Variants in CADPS observed in about 807,000 individuals in gnomAD.
CADPS encodes calcium dependent secretion activator.
CADPS carries 57 observed loss-of-function variants against 167.3 expected under a neutral mutation model. That is an observed-to-expected ratio of 0.34 (90% CI 0.28 to 0.42). The LOEUF is 0.42. CADPS is among the 20% of genes least tolerant of loss of function. The probability of loss-of-function intolerance (pLI) is 1.00; values close to 1 mark genes in which losing one functional copy is unlikely to be tolerated. For synonymous variants in CADPS, 676 were observed against 635.3 expected (o/e 1.06, Z -0.96); for missense variants, 1,414 against 1,738.1 (o/e 0.81, Z 3.32).
At chr3:62,586,343 G>A (rs1449614849) in intron 7 of CADPS, among the ~76,000 whole-genome samples, 7 of 152,132 alleles carry the variant, frequency 4.6e-5, no homozygotes, top group African/African-American at 1.7e-4. Context: ...TCTGGAGGTG[G>A]CCGTGAGGGG....
At chr3:62,851,540 G>C (rs1205067986) in intron 1 of CADPS, among the ~76,000 whole-genome samples, 1 of 146,470 alleles carries the variant, frequency 6.8e-6, no homozygotes, top group Non-Finnish European at 1.5e-5. Context: ...ATGAAGCTTA[G>C]TTTGGCTGGA....
At chr3:62,694,036 C>G (rs2079760804) in intron 3 of CADPS, among the ~76,000 whole-genome samples, 1 of 152,016 alleles carries the variant, frequency 6.6e-6, no homozygotes, top group Non-Finnish European at 1.5e-5. Context: ...TATCTGGTCA[C>G]CCCAGTGCTC....
At chr3:62,718,802 C>A (rs181719240) in intron 3 of CADPS, among the ~76,000 whole-genome samples, 2 of 152,164 alleles carry the variant, frequency 1.3e-5, no homozygotes, top group Admixed American at 6.5e-5. Flanking sequence ...CACTGCTGTG[C>A]GTGGATATCA....
chr3:62,451,746 C>T (rs1215388083), intron 26 of CADPS, among the ~76,000 whole-genome samples: 3 of 152,166 alleles, frequency 2.0e-5, no homozygotes, highest in Non-Finnish European at 4.4e-5. Context: ...CACACCACCA[C>T]GTCAAAGGGC....
intron 17 of CADPS, among the ~76,000 whole-genome samples, chr3:62,510,191 CATCTATCTATCT>C (rs57153814): frequency 1.3e-5 from 2 of 148,266 alleles, no homozygotes; most frequent in African/African-American, 2.5e-5. Context: ...CCTATTTCTG[CATCTATCTATCT>C]ATCTATCTAT....
chr3:62,628,848 A>T (rs1282338315), intron 6 of CADPS, among the ~76,000 whole-genome samples: 1 of 151,670 alleles, frequency 6.6e-6, no homozygotes, highest in Non-Finnish European at 1.5e-5. Context: ...TATTGTCTTG[A>T]TCTCTTGACC....
intron 3 of CADPS, among the ~76,000 whole-genome samples, chr3:62,668,206 T>C (rs1402505117): frequency 6.6e-6 from 1 of 152,232 alleles, no homozygotes; most frequent in East Asian, 1.9e-4. Context: ...TGAATAATTG[T>C]TCTGCTTTCT....
chr3:62,480,237 A>T (rs2061825318), intron 22 of CADPS, among the ~76,000 whole-genome samples: 1 of 152,248 alleles, frequency 6.6e-6, no homozygotes. Flanking sequence ...GGAGACCATT[A>T]TCTGCTTTAT....
At chr3:62,828,417 G>T (rs1038728214) in intron 1 of CADPS, among the ~76,000 whole-genome samples, 11 of 152,110 alleles carry the variant, frequency 7.2e-5, no homozygotes, top group African/African-American at 2.4e-4. Context: ...GGGCAAAAAC[G>T]TGGAACTACT....
chr3:62,835,491 G>A (rs2075767247), intron 1 of CADPS, among the ~76,000 whole-genome samples: 1 of 152,080 alleles, frequency 6.6e-6, no homozygotes, highest in Non-Finnish European at 1.5e-5. Context: ...CCTGTGATTG[G>A]GTGTGCTTAG....
At chr3:62,715,751 A>ATTTTT (rs375673684) in intron 3 of CADPS, among the ~76,000 whole-genome samples, 48 of 86,300 alleles carry the variant, frequency 5.6e-4, no homozygotes, top group East Asian at 1.1e-3. Context: ...ATGATTATAA[A>ATTTTT]TCTTTTTTTT....
At chr3:62,662,464 T>C in intron 3 of CADPS, 70 bp from the exon 4 acceptor site, 1 of 1,321,534 alleles carries the variant, frequency 7.6e-7, no homozygotes, top group Non-Finnish European at 1.1e-6. Flanking sequence ...GGACATTCCA[T>C]TTTATACCCC....
At chr3:62,702,311 G>A (rs1480044284) in intron 3 of CADPS, among the ~76,000 whole-genome samples, 2 of 152,110 alleles carry the variant, frequency 1.3e-5, no homozygotes, top group Admixed American at 6.5e-5. Flanking sequence ...GATTGTGGGA[G>A]ATACAGATAT....
intron 1 of CADPS, among the ~76,000 whole-genome samples, chr3:62,828,506 T>C (rs1178405783): frequency 6.6e-6 from 1 of 152,038 alleles, no homozygotes; most frequent in East Asian, 1.9e-4. Flanking sequence ...GAAAAAAACA[T>C]GTTACCAGAA....
chr3:62,674,523 G>T (rs569162477), intron 3 of CADPS, among the ~76,000 whole-genome samples: 14 of 152,290 alleles, frequency 9.2e-5, no homozygotes, highest in African/African-American at 3.4e-4. Flanking sequence ...ACCTGTCAAA[G>T]AAACAGTTTG....
chr3:62,472,024 T>C (rs1031045261), intron 24 of CADPS, among the ~76,000 whole-genome samples: 2 of 151,826 alleles, frequency 1.3e-5, no homozygotes, highest in Admixed American at 6.6e-5. Context: ...AATAAATACA[T>C]AAAAAGGAGC....
intron 26 of CADPS, among the ~76,000 whole-genome samples, chr3:62,463,054 A>G (rs2059555823): frequency 6.6e-6 from 1 of 152,190 alleles, no homozygotes; most frequent in Admixed American, 6.5e-5. Flanking sequence ...GTTCTGCATT[A>G]CACTGCCTTT....
chr3:62,465,670 TAG>T lies in CADPS; in HGVS notation c.3553-222_3553-221del, dbSNP rs1267712506. ...CTTCATTATTATGTGATTGCAAATA[TAG>T]AGTGTTACAGAAGTGCAAAGTGACA... is the stretch of plus-strand genomic sequence containing the variant. On this transcript the variant is annotated intron_variant, in intron 25 of 29. Transcript: ENST00000383710. This position sits in a 1 kb window ranked among gnomAD's most constrained non-coding sequence, Gnocchi z 4.1. Among the ~76,000 whole-genome samples the T allele has an allele frequency of 6.6e-6, 1 of 152,224 alleles. No homozygotes were observed.
intron 8 of CADPS, among the ~76,000 whole-genome samples, chr3:62,580,246 C>G (rs1187613963): frequency 6.6e-6 from 1 of 152,130 alleles, no homozygotes; most frequent in African/African-American, 2.4e-5. Flanking sequence ...CCATGGAATA[C>G]TATGCAGCCA....
Sources: allele counts gnomAD v4.1 joint callset (sites outside exome capture counted in the v4.1 genomes callset), GRCh38; gene constraint gnomAD v4.1.1; non-coding constraint Gnocchi (gnomAD v3.1); transcripts MANE v1.5; gene names NCBI Gene and HGNC (gene_info 2026-07-23, HGNC 2026-07-21).